The following EXOC4 variants were observed in gnomAD, a reference collection of about 807,000 sequenced individuals.
The protein encoded by EXOC4 is SEC8-like 1.
In EXOC4, 71 loss-of-function variants were observed where a neutral mutation model predicts 107.2. That is an observed-to-expected ratio of 0.66 (90% CI 0.55 to 0.81). EXOC4 has a LOEUF of 0.81. Ranked by LOEUF, EXOC4 falls within the 30% of genes least tolerant of loss-of-function variation. The pLI, the probability that EXOC4 is intolerant of heterozygous loss-of-function variation, is 0.00. For missense variants in EXOC4, 1,108 were observed against 1,189.6 expected (o/e 0.93, Z 1.01); for synonymous variants, 456 against 441.2 (o/e 1.03, Z -0.42).
At chr7:133,423,831 G>A (rs530748957) in intron 7 of EXOC4, among the ~76,000 whole-genome samples, 3 of 152,284 alleles carry the variant, frequency 2.0e-5, no homozygotes, top group South Asian at 4.1e-4. Context: ...CGGAGGGCCC[G>A]CACTTGGCAC....
In EXOC4 at chr7:133,574,253, A is replaced by G. The variant is rs367689400; in HGVS notation, c.1418-55792A>G. Among the ~76,000 whole-genome samples, 8 of 152,160 alleles carry G rather than the reference A, an allele frequency of 5.3e-5. No individual in the cohort carries two copies. In the East Asian group the frequency reaches 1.5e-3, roughly 29 times the overall value. ...TGTATATGTATACATGCATAATCAT[A>G]TACTCATGTATAATTATATATGATT... is the stretch of plus-strand genomic sequence containing the variant. On this transcript the variant is annotated intron_variant, in intron 9 of 17. Transcript: ENST00000253861.
At chr7:133,869,282 A>G (rs544080310) in intron 11 of EXOC4, among the ~76,000 whole-genome samples, 2 of 152,006 alleles carry the variant, frequency 1.3e-5, no homozygotes, top group South Asian at 2.1e-4. Context: ...CTTGAAATAC[A>G]TTGCAACGTG....
At chr7:133,889,553 C>T (rs1377703884) in intron 11 of EXOC4, among the ~76,000 whole-genome samples, 4 of 131,588 alleles carry the variant, frequency 3.0e-5, no homozygotes, top group Non-Finnish European at 6.4e-5. Context: ...GGTATATCTC[C>T]GAATGCTATC....
chr7:133,888,863 G>A (rs1240207304), intron 11 of EXOC4, among the ~76,000 whole-genome samples: 4 of 151,888 alleles, frequency 2.6e-5, no homozygotes, highest in Admixed American at 2.0e-4. Context: ...TTTAAACTGG[G>A]GATGATTATA....
intron 7 of EXOC4, among the ~76,000 whole-genome samples, chr7:133,376,934 C>T (rs1454300467): frequency 6.6e-6 from 1 of 152,192 alleles, no homozygotes; most frequent in South Asian, 2.1e-4. Context: ...AGTAAGACAA[C>T]ATAATTCAGT....
At chr7:133,286,571 A>C (rs557611528) in intron 2 of EXOC4, among the ~76,000 whole-genome samples, 1 of 152,326 alleles carries the variant, frequency 6.6e-6, no homozygotes, top group African/African-American at 2.4e-5. Context: ...AGAACATGTT[A>C]TGGAGCTTGT....
At chr7:133,824,406 CT>C (rs1797650046) in intron 11 of EXOC4, among the ~76,000 whole-genome samples, 1 of 152,130 alleles carries the variant, frequency 6.6e-6, no homozygotes, top group Admixed American at 6.5e-5. Context: ...GTTCTTTCTA[CT>C]CTAGCACCCA....
intron 15 of EXOC4, among the ~76,000 whole-genome samples, chr7:134,000,772 TC>T (rs1477481514): frequency 6.6e-6 from 1 of 152,110 alleles, no homozygotes; most frequent in Non-Finnish European, 1.5e-5. Flanking sequence ...GCTGGTTAGC[TC>T]CTGTCTCTGG....
chr7:133,852,136 G>A (rs1371581784), intron 11 of EXOC4, among the ~76,000 whole-genome samples: 2 of 151,872 alleles, frequency 1.3e-5, no homozygotes, highest in Non-Finnish European at 2.9e-5. Flanking sequence ...TTTGTCGTTA[G>A]TAATACTAAA....
intron 14 of EXOC4, among the ~76,000 whole-genome samples, chr7:133,987,425 G>A (rs987481578): frequency 6.6e-6 from 1 of 151,432 alleles, no homozygotes; most frequent in Non-Finnish European, 1.5e-5. Flanking sequence ...AAGGAAGGGA[G>A]GAAGGGAGAA....
At chr7:133,301,694 C>CT (rs1031933873) in intron 3 of EXOC4, among the ~76,000 whole-genome samples, 4 of 152,062 alleles carry the variant, frequency 2.6e-5, no homozygotes, top group Admixed American at 6.6e-5. Flanking sequence ...AGTTTTTCTT[C>CT]TTTTTTTGGC....
intron 10 of EXOC4, among the ~76,000 whole-genome samples, chr7:133,671,771 A>G (rs1267413289): frequency 6.6e-6 from 1 of 152,188 alleles, no homozygotes; most frequent in Non-Finnish European, 1.5e-5. Context: ...TAAGAAAAAG[A>G]GGAGTCAAGC....
intron 10 of EXOC4, among the ~76,000 whole-genome samples, chr7:133,657,064 G>A (rs1271837005): frequency 1.3e-5 from 2 of 152,076 alleles, no homozygotes; most frequent in African/African-American, 4.8e-5. Context: ...AGGTAAAATG[G>A]CATTTCCTCT....
intron 10 of EXOC4, 60 bp downstream of exon 10, chr7:133,630,201 C>A: frequency 7.7e-7 from 1 of 1,290,998 alleles, no homozygotes; most frequent in Non-Finnish European, 1.1e-6. Flanking sequence ...TTATGCTGGT[C>A]TACTGAATGC....
intron 12 of EXOC4, among the ~76,000 whole-genome samples, chr7:133,916,047 C>T (rs1336168427): frequency 1.3e-5 from 2 of 152,186 alleles, no homozygotes; most frequent in African/African-American, 2.4e-5. Context: ...CAGTGGTCCC[C>T]AACCTTTTTG....
At chr7:133,430,097 G>A (rs1037033078) in intron 7 of EXOC4, among the ~76,000 whole-genome samples, 2 of 152,236 alleles carry the variant, frequency 1.3e-5, no homozygotes, top group African/African-American at 4.8e-5. Flanking sequence ...ACATGGACTT[G>A]AAGGATGTGG....
chr7:133,989,562 C>T (rs570038910), intron 14 of EXOC4, among the ~76,000 whole-genome samples: 16 of 152,042 alleles, frequency 1.1e-4, no homozygotes, highest in South Asian at 4.2e-4. Flanking sequence ...AAGAGTATGC[C>T]ATATAAGCCA....
intron 5 of EXOC4, among the ~76,000 whole-genome samples, chr7:133,348,889 T>G (rs1248357179): frequency 2.6e-5 from 4 of 152,144 alleles, no homozygotes; most frequent in African/African-American, 9.7e-5. Flanking sequence ...TATTCCAAGT[T>G]TTACTAATAT....
intron 5 of EXOC4, among the ~76,000 whole-genome samples, chr7:133,327,767 C>G (rs998571014): frequency 6.6e-6 from 1 of 152,086 alleles, no homozygotes; most frequent in Admixed American, 6.5e-5. Context: ...TTTCTTAATC[C>G]TGAGTTCTAA....
Sources: allele counts gnomAD v4.1 joint callset (sites outside exome capture counted in the v4.1 genomes callset), GRCh38; gene constraint gnomAD v4.1.1; transcripts MANE v1.5; gene names NCBI Gene and HGNC (gene_info 2026-07-23, HGNC 2026-07-21).